Variants in CBLB observed in about 807,000 individuals in gnomAD.
The protein encoded by CBLB is Cbl proto-oncogene B.
CBLB carries 31 observed loss-of-function variants against 104.9 expected under a neutral mutation model. That is an observed-to-expected ratio of 0.30 (90% CI 0.22 to 0.40). The LOEUF (loss-of-function observed/expected upper bound fraction) is 0.40, where lower values mean the gene tolerates loss of function less well. CBLB is among the 10% of genes least tolerant of loss of function. The pLI, the probability that CBLB is intolerant of heterozygous loss-of-function variation, is 1.00. For synonymous variants in CBLB, 440 were observed against 422.6 expected (o/e 1.04, Z -0.51); for missense variants, 1,062 against 1,214.6 (o/e 0.87, Z 1.87).
At position 105,853,635 on chromosome 3, in the gene CBLB, C is replaced by G. The variant is rs771210594; in HGVS notation, c.198G>C (p.Gln66His). 8.1e-6 allele frequency: 13 copies of G among 1,608,232 alleles called. No individual in the cohort carries two copies. Among genetic ancestry groups the G allele is most frequent in the Non-Finnish European group, 1.1e-5 (13 of 1,176,424 alleles). ...GTATATATGGTGGGCTATTTTTCAA[C>G]TGAAGTTTGGGATTTTGGCACAGTC... ...VVRLCQNPKL[Q>H]LKNSPPYILD... Residue 66 changes from glutamine to histidine, a missense_variant, in exon 3 of 19, where the codon CAG becomes CAC. This residue lies in a region of CBLB where 457 missense variants were observed against 632.0 expected (regional missense o/e 0.72). Coordinates refer to ENST00000394030, the MANE Select transcript of CBLB (RefSeq NM_170662.5).
At chr3:105,849,073 C>A (rs1416198927) in intron 3 of CBLB, among the ~76,000 whole-genome samples, 1 of 152,050 alleles carries the variant, frequency 6.6e-6, no homozygotes, top group Non-Finnish European at 1.5e-5. Context: ...CTTCTGTGTT[C>A]TGTAGAGCAA....
chr3:105,740,425 T>A, intron 7 of CBLB, 69 bp downstream of exon 7: 4 of 1,552,192 alleles, frequency 2.6e-6, no homozygotes, highest in Non-Finnish European at 3.6e-6. Context: ...ATTTTCGCCA[T>A]CACAAAGCAA....
At chr3:105,772,670 G>A (rs1224136518) in intron 4 of CBLB, among the ~76,000 whole-genome samples, 1 of 151,854 alleles carries the variant, frequency 6.6e-6, no homozygotes, top group Non-Finnish European at 1.5e-5. Context: ...AAATCAGCAA[G>A]AAGAAAACAA....
At chr3:105,742,678 A>C (rs1008676100) in intron 6 of CBLB, among the ~76,000 whole-genome samples, 1 of 152,188 alleles carries the variant, frequency 6.6e-6, no homozygotes, top group Admixed American at 6.5e-5. Context: ...ATTAATGATA[A>C]AATTCCTTCA....
rs76303258 is a variant in CBLB at position 105,782,587 on chromosome 3, T to C, written c.420-6045A>G. ...AGTATTCTTTTCTTTTCTTTTTTTT[T>C]TTTTTTTTTTTTTTTTGATACAGAG... On this transcript the variant is annotated intron_variant, in intron 3 of 18. Transcript: ENST00000394030. 3.7e-3 allele frequency among the ~76,000 whole-genome samples: 384 copies of C among 104,910 alleles called. 9 individuals are homozygous for C. In the East Asian group the frequency reaches 0.039, roughly 11 times the overall value. The allele number at this position is 104,910 out of a possible 152,430, so 68.8% of individuals were successfully genotyped here. A position where few individuals can be genotyped will look rare whatever the true frequency, so the allele number is the denominator to read the frequency against.
intron 3 of CBLB, among the ~76,000 whole-genome samples, chr3:105,832,107 T>C (rs907204831): frequency 2.6e-5 from 4 of 152,140 alleles, no homozygotes; most frequent in African/African-American, 7.2e-5. Flanking sequence ...TTAAAGAAGG[T>C]ATAAGGTAAT....
intron 3 of CBLB, among the ~76,000 whole-genome samples, chr3:105,835,261 T>C (rs1158337267): frequency 7.2e-5 from 11 of 152,220 alleles, no homozygotes; most frequent in Admixed American, 6.5e-4. Flanking sequence ...AGAGTAACTT[T>C]GAAGTCAGAT....
At chr3:105,782,877 G>A (rs189909929) in intron 3 of CBLB, among the ~76,000 whole-genome samples, 1 of 152,068 alleles carries the variant, frequency 6.6e-6, no homozygotes, top group Admixed American at 6.6e-5. Flanking sequence ...CCGGCCTGTG[G>A]TATTCTTTCC....
intron 3 of CBLB, among the ~76,000 whole-genome samples, chr3:105,805,899 GA>G (rs1428445066): frequency 4.0e-4 from 55 of 138,700 alleles, no homozygotes; most frequent in Non-Finnish European, 8.3e-4. Flanking sequence ...AAATAAGAAT[GA>G]AAGAATGAAA....
At chr3:105,744,392 T>C (rs890020293) in intron 6 of CBLB, among the ~76,000 whole-genome samples, 1 of 152,196 alleles carries the variant, frequency 6.6e-6, no homozygotes, top group African/African-American at 2.4e-5. Context: ...GAGAGATTCT[T>C]GAATGAAAGA....
chr3:105,816,893 A>T (rs904124083), intron 3 of CBLB, among the ~76,000 whole-genome samples: 11 of 118,264 alleles, frequency 9.3e-5, no homozygotes, highest in South Asian at 5.0e-4. Flanking sequence ...AGTAATGTTT[A>T]AAAAAAAAAG....
chr3:105,789,000 C>T (rs2152991220), intron 3 of CBLB, among the ~76,000 whole-genome samples: 1 of 152,312 alleles, frequency 6.6e-6, no homozygotes, highest in South Asian at 2.1e-4. Flanking sequence ...GCCACTGGAC[C>T]TTCCAGCTGA....
chr3:105,746,744 T>C (rs1314404187), intron 5 of CBLB, among the ~76,000 whole-genome samples: 1 of 152,328 alleles, frequency 6.6e-6, no homozygotes, highest in East Asian at 1.9e-4. Flanking sequence ...TAAGAAACCA[T>C]ATCATAGAAC....
intron 3 of CBLB, among the ~76,000 whole-genome samples, chr3:105,822,363 C>T (rs9876086): frequency 1 from 152,245 of 152,314 alleles, 76,088 homozygotes; most frequent in Non-Finnish European, 1. Flanking sequence ...GTCCTATTCT[C>T]AGGATGAGCA....
intron 12 of CBLB, among the ~76,000 whole-genome samples, chr3:105,698,435 TA>T (rs2068668150): frequency 6.6e-6 from 1 of 151,816 alleles, no homozygotes; most frequent in African/African-American, 2.4e-5. Flanking sequence ...ATTGACAGGG[TA>T]TTGACTTTTA....
At chr3:105,757,902 A>G (rs2077228077) in intron 4 of CBLB, among the ~76,000 whole-genome samples, 1 of 152,216 alleles carries the variant, frequency 6.6e-6, no homozygotes, top group Non-Finnish European at 1.5e-5. Context: ...AAATGTTGTC[A>G]GAAAATTCAC....
intron 2 of CBLB, among the ~76,000 whole-genome samples, chr3:105,854,084 G>A (rs751342305): frequency 2.0e-5 from 3 of 152,158 alleles, no homozygotes; most frequent in Non-Finnish European, 4.4e-5. Flanking sequence ...CTGTCTCATA[G>A]TTTGTTAATT....
chr3:105,801,136 T>A (rs2082816025), intron 3 of CBLB, among the ~76,000 whole-genome samples: 1 of 152,160 alleles, frequency 6.6e-6, no homozygotes, highest in Admixed American at 6.5e-5. Context: ...TAGAGAGGAT[T>A]TACCCTTACT....
intron 10 of CBLB, among the ~76,000 whole-genome samples, chr3:105,712,356 T>TA (rs1452053355): frequency 1.3e-5 from 2 of 152,198 alleles, no homozygotes; most frequent in African/African-American, 4.8e-5. Flanking sequence ...AGTGGCTTCT[T>TA]ATGCCCTTTG....
Sources: gnomAD v4.1 joint callset for allele counts (sites outside exome capture counted in the v4.1 genomes callset) on GRCh38, gnomAD v4.1.1 for gene constraint, gnomAD v4.1.1 regional missense constraint, MANE v1.5 for transcripts, NCBI Gene and HGNC (gene_info 2026-07-23, HGNC 2026-07-21) for gene names.